The following GRIP2 variants were observed in gnomAD, a reference collection of about 807,000 sequenced individuals.
GRIP2 encodes glutamate receptor-interacting protein 2.
Under a neutral mutation model 108.3 loss-of-function variants are expected in GRIP2, and 58 were observed. The observed-to-expected ratio is 0.54, with a 90% confidence interval of 0.43 to 0.67. The LOEUF (loss-of-function observed/expected upper bound fraction) is 0.67. GRIP2 is among the 30% of genes least tolerant of loss of function. GRIP2 has a pLI of 0.00. For missense variants in GRIP2, 1,278 were observed against 1,430.6 expected (o/e 0.89, Z 1.72); for synonymous variants, 586 against 598.2 (o/e 0.98, Z 0.30).
rs368899255 is a variant in GRIP2 at position 14,512,853 on chromosome 3, G to A, written c.1644C>T (p.Ser548=). 162 of 1,613,658 alleles carry A rather than the reference G, an allele frequency of 1.0e-4. No individual in the cohort carries two copies. The highest frequency in any genetic ancestry group is 1.3e-4 in the Non-Finnish European group (150 of 1,179,834). ...VLEVEFDVAE[S]VIPSSGTFHV... is the part of the protein sequence containing the mutation. ...GGAAGGTGCCACTGCTTGGGATGAC[G>A]GACTCTGGGGGTAGATGGACATAAA... The change falls in exon 14 of 24, where the codon TCC becomes TCT. Residue 548 remains serine (S), a synonymous_variant. Transcript: ENST00000621039. The surrounding 1 kb of genome is among the most constrained non-coding windows in gnomAD (Gnocchi z 5.1).
chr3:14,496,476 G>A lies in GRIP2; in HGVS notation c.2764C>T (p.Arg922Ter), dbSNP rs759415797. ...TCCTCCATTTCTGCAGGAGAGGCTC[G>A]TACCTCCCGGCCCCTCTGCCAAGGC... Reference protein sequence around the residue: ...HRPWQRGREVRASPAEMEELL... With the variant: ...HRPWQRGREV Residue 922 changes from arginine (R) to a stop codon, truncating the protein, a stop_gained, in exon 22 of 24, where the codon CGA (arginine) becomes TGA (stop). Transcript: ENST00000621039. LOFTEE classifies it high-confidence loss of function. 13 of 1,601,726 alleles carry A rather than the reference G, an allele frequency of 8.1e-6. No individual in the cohort carries two copies. The highest frequency in any genetic ancestry group is 1.7e-4 in the Middle Eastern group (1 of 6,024).
In GRIP2 at chr3:14,540,277, C is replaced by T; in HGVS notation, c.32G>A (p.Gly11Glu). Residue 11 changes from glycine to glutamate, a missense_variant, in exon 1 of 24, where the codon GGA (glycine) becomes GAA (glutamate). Coordinates refer to ENST00000621039, the MANE Select transcript of GRIP2 (RefSeq NM_001080423.4). The surrounding 1 kb of genome is among the most constrained non-coding windows in gnomAD (Gnocchi z 4.1). MLCGLSRETP[G>E]EADDGPYSKG... ...GACCCCCCATTACGTACCCGCCTCT[C>T]CAGGGGTCTCCCGGCTGAGCCCACA... The T allele has an allele frequency of 3.1e-6, 5 of 1,613,818 alleles. No individual in the cohort carries two copies. The highest frequency in any genetic ancestry group is 4.2e-6 in the Non-Finnish European group (5 of 1,179,784).
the GRIP2 span, among the ~76,000 whole-genome samples, chr3:14,577,448 TG>T: frequency 1.3e-5 from 2 of 152,212 alleles, no homozygotes; most frequent in African/African-American, 2.4e-5. Flanking sequence ...GTTTGGCTCC[TG>T]GCCACTCAGT....
chr3:14,507,652 A>G lies in GRIP2; in HGVS notation c.2127T>C (p.Val709=). ...VGDRILAINN[V]SLKGRPLSEA... Reference sequence around the variant, plus strand: ...CGCTCAGCGGCCGGCCCTTGAGGCTAACGTTGTTGATGGCCAGAATGCGGT... The same window carrying G: ...CGCTCAGCGGCCGGCCCTTGAGGCTGACGTTGTTGATGGCCAGAATGCGGT... Residue 709 remains valine (V), a synonymous_variant, in exon 18 of 24, where the codon GTT becomes GTC. Coordinates refer to ENST00000621039, the MANE Select transcript of GRIP2 (RefSeq NM_001080423.4). The surrounding 1 kb of genome is among the most constrained non-coding windows in gnomAD (Gnocchi z 4.6). The G allele has an allele frequency of 1.2e-6, 2 of 1,613,926 alleles. No homozygotes were observed. The highest frequency in any genetic ancestry group is 1.7e-6 in the Non-Finnish European group (2 of 1,179,860).
At chr3:14,516,310 T>C (rs1320384897) in intron 11 of GRIP2, among the ~76,000 whole-genome samples, 1 of 152,198 alleles carries the variant, frequency 6.6e-6, no homozygotes, top group Non-Finnish European at 1.5e-5. Flanking sequence ...CCTCTCTTCT[T>C]TCACCTGGTT....
At chr3:14,524,648 A>G in intron 3 of GRIP2, 110 bp from the exon 4 acceptor site, 1 of 1,226,144 alleles carries the variant, frequency 8.2e-7, no homozygotes, top group Non-Finnish European at 1.1e-6. Context: ...TCCTCATTTC[A>G]CAAATGGGGA....
the GRIP2 span, among the ~76,000 whole-genome samples, chr3:14,593,060 A>G: frequency 2.0e-5 from 3 of 152,138 alleles, no homozygotes; most frequent in Non-Finnish European, 4.4e-5. Context: ...GCCTGGTGTC[A>G]CCACACACGT....
the GRIP2 span, chr3:14,572,830 C>T: frequency 8.8e-6 from 9 of 1,027,828 alleles, no homozygotes; most frequent in Admixed American, 1.6e-4. Flanking sequence ...GCGCATGGTC[C>T]CTGGAGCCCG....
At position 14,521,902 on chromosome 3, in the gene GRIP2, G is replaced by T; in HGVS notation, c.567-115C>A. The T allele has an allele frequency of 1.1e-6, 1 of 908,124 alleles. No homozygotes were observed. The highest frequency in any genetic ancestry group is 1.6e-6 in the Non-Finnish European group (1 of 633,724). The allele number at this position is 908,124 out of a possible 1,614,324, so 56.3% of individuals were successfully genotyped here. ...ATGAAGAAGCAGGGAATGGGTGGGG[G>T]AGGAAGGGGAGGAGGGGACGGGTGA... On this transcript the variant is annotated intron_variant, in intron 6 of 23. Transcript: ENST00000621039. This position sits in a 1 kb window ranked among gnomAD's most constrained non-coding sequence, Gnocchi z 5.1.
At chr3:14,565,738 G>A in the GRIP2 span, among the ~76,000 whole-genome samples, 2 of 152,216 alleles carry the variant, frequency 1.3e-5, no homozygotes, top group Non-Finnish European at 2.9e-5. Context: ...AGGGAGCTAT[G>A]TCCCAGCATC....
chr3:14,575,372 A>G, the GRIP2 span, among the ~76,000 whole-genome samples: 2 of 152,184 alleles, frequency 1.3e-5, no homozygotes, highest in Admixed American at 6.5e-5. Context: ...ACTGGGGTCT[A>G]AGACGTCTGC....
intron 20 of GRIP2, among the ~76,000 whole-genome samples, chr3:14,504,192 C>G (rs1309087620): frequency 2.6e-5 from 4 of 152,190 alleles, no homozygotes; most frequent in African/African-American, 9.7e-5. Context: ...ATCATCAGTT[C>G]CAACACTGAG....
At chr3:14,576,543 A>G in the GRIP2 span, among the ~76,000 whole-genome samples, 4 of 152,242 alleles carry the variant, frequency 2.6e-5, no homozygotes, top group Non-Finnish European at 4.4e-5. Flanking sequence ...CCAGAGGGCC[A>G]TGGAAGACTT....
At chr3:14,567,450 C>A in the GRIP2 span, among the ~76,000 whole-genome samples, 1 of 151,988 alleles carries the variant, frequency 6.6e-6, no homozygotes, top group East Asian at 1.9e-4. Flanking sequence ...CATGGCATCC[C>A]AGGAGACATG....
chr3:14,576,096 A>C, the GRIP2 span, among the ~76,000 whole-genome samples: 1 of 152,192 alleles, frequency 6.6e-6, no homozygotes, highest in African/African-American at 2.4e-5. Flanking sequence ...GCGTGGTGAG[A>C]GGGTGTAGCA....
Position 14,521,718 on chromosome 3 carries a change from A to G in GRIP2, c.636T>C (p.His212=). 6 of 1,610,982 alleles carry G rather than the reference A, an allele frequency of 3.7e-6. No homozygotes were observed. Among genetic ancestry groups the G allele is most frequent in the Non-Finnish European group, 5.1e-6 (6 of 1,179,020 alleles). ...VDGIPLHGAS[H]ATALATLRQC... Reference sequence around the variant, plus strand: ...GCCGCAGGGTGGCCAGGGCGGTGGCATGGCTGGCCCCGTGCAGCGGGATTC... The same window carrying G: ...GCCGCAGGGTGGCCAGGGCGGTGGCGTGGCTGGCCCCGTGCAGCGGGATTC... The change falls in exon 7 of 24, where the codon CAT becomes CAC. Residue 212 remains histidine, a synonymous_variant. Coordinates refer to ENST00000621039, the MANE Select transcript of GRIP2 (RefSeq NM_001080423.4). The surrounding 1 kb of genome is among the most constrained non-coding windows in gnomAD (Gnocchi z 5.1).
At chr3:14,597,557 G>C in the GRIP2 span, among the ~76,000 whole-genome samples, 1 of 151,938 alleles carries the variant, frequency 6.6e-6, no homozygotes, top group East Asian at 1.9e-4. Context: ...TATGTGTTTT[G>C]GTTTTTTTAA....
intron 4 of GRIP2, chr3:14,524,021 A>G: frequency 2.1e-6 from 1 of 476,342 alleles, no homozygotes; most frequent in Non-Finnish European, 3.8e-6. Flanking sequence ...ACTTTAGACC[A>G]GCTTTGAAAA....
At chr3:14,585,312 C>T in the GRIP2 span, among the ~76,000 whole-genome samples, 19 of 152,352 alleles carry the variant, frequency 1.2e-4, no homozygotes, top group Non-Finnish European at 1.9e-4. Context: ...TGAGCCACCA[C>T]GCCTGGCCAT....
Sources: allele counts gnomAD v4.1 joint callset (sites outside exome capture counted in the v4.1 genomes callset), GRCh38; gene constraint gnomAD v4.1.1; non-coding constraint Gnocchi (gnomAD v3.1); transcripts MANE v1.5; gene names NCBI Gene and HGNC (gene_info 2026-07-23, HGNC 2026-07-21).